The following MCC variants were observed in gnomAD, a reference collection of about 807,000 sequenced individuals.
MCC encodes the protein colorectal mutant cancer protein.
MCC carries 90 observed loss-of-function variants against 116.2 expected under a neutral mutation model. The ratio of observed to expected loss-of-function variants is 0.77; its 90% CI spans 0.65 to 0.92. MCC has a LOEUF of 0.92. Among genes scored for constraint, MCC ranks in the 40% least tolerant of loss-of-function variants. MCC has a pLI of 0.00. For synonymous variants in MCC, 578 were observed against 510.5 expected (o/e 1.13, Z -1.78); for missense variants, 1,516 against 1,312.2 (o/e 1.16, Z -2.40).
At chr5:113,258,050 G>A (rs1156705238) in intron 3 of MCC, among the ~76,000 whole-genome samples, 2 of 152,134 alleles carry the variant, frequency 1.3e-5, no homozygotes. Context: ...ATTGAGAGAA[G>A]TTGAATGAGG....
intron 10 of MCC, among the ~76,000 whole-genome samples, chr5:113,083,667 G>A (rs1755014977): frequency 1.3e-5 from 2 of 152,160 alleles, no homozygotes; most frequent in South Asian, 4.1e-4. Flanking sequence ...GAAGGTTCTG[G>A]TCTTTCCCAC....
intron 2 of MCC, among the ~76,000 whole-genome samples, chr5:113,351,390 A>G (rs191906596): frequency 6.6e-6 from 1 of 152,324 alleles, no homozygotes; most frequent in East Asian, 1.9e-4. Context: ...TATTTGCAAC[A>G]ACATGGATGG....
chr5:113,468,104 A>G (rs1336371458), intron 1 of MCC, among the ~76,000 whole-genome samples: 1 of 152,138 alleles, frequency 6.6e-6, no homozygotes, highest in African/African-American at 2.4e-5. Context: ...GGTTTTCTAG[A>G]TATACAATCA....
At chr5:113,204,257 A>C (rs1762815319) in intron 3 of MCC, among the ~76,000 whole-genome samples, 1 of 152,198 alleles carries the variant, frequency 6.6e-6, no homozygotes, top group Admixed American at 6.5e-5. Context: ...TCTAGCACTA[A>C]ATGTGAAGTA....
chr5:113,415,747 C>T (rs927599462), intron 1 of MCC, among the ~76,000 whole-genome samples: 1 of 152,070 alleles, frequency 6.6e-6, no homozygotes, highest in Non-Finnish European at 1.5e-5. Context: ...TTGTTATTAC[C>T]GACCTTCTGA....
intron 3 of MCC, among the ~76,000 whole-genome samples, chr5:113,294,050 G>A (rs996019471): frequency 6.6e-6 from 1 of 152,204 alleles, no homozygotes; most frequent in Admixed American, 6.5e-5. Flanking sequence ...AAGGGATGCA[G>A]ACTGTCGTGA....
At chr5:113,430,760 G>A (rs1266021583) in intron 1 of MCC, among the ~76,000 whole-genome samples, 1 of 152,190 alleles carries the variant, frequency 6.6e-6, no homozygotes, top group Non-Finnish European at 1.5e-5. Context: ...TGGTACAGAG[G>A]TCAGAGTGTG....
intron 10 of MCC, among the ~76,000 whole-genome samples, chr5:113,083,592 T>A (rs901805710): frequency 4.6e-5 from 7 of 152,172 alleles, no homozygotes; most frequent in African/African-American, 1.7e-4. Flanking sequence ...CTTTTCACCA[T>A]CCATCAGCTC....
intron 1 of MCC, among the ~76,000 whole-genome samples, chr5:113,398,881 T>C (rs370696120): frequency 1.3e-5 from 2 of 152,262 alleles, no homozygotes; most frequent in East Asian, 3.8e-4. Flanking sequence ...TTTTGAAGTC[T>C]ATTTTAACCC....
intron 5 of MCC, among the ~76,000 whole-genome samples, chr5:113,125,962 T>C (rs1173227881): frequency 6.6e-6 from 1 of 152,168 alleles, no homozygotes; most frequent in East Asian, 1.9e-4. Context: ...AAAGTGTCCA[T>C]TTAAAACCAG....
Position 113,024,689 on chromosome 5 carries a change from T to TAGCG in MCC, c.*2609_*2612dup, listed in dbSNP as rs1750406754. The TAGCG allele has an allele frequency of 6.6e-6, 1 of 152,146 alleles. No individual in the cohort carries two copies. Among genetic ancestry groups the TAGCG allele is most frequent in the Non-Finnish European group, 1.5e-5 (1 of 68,042 alleles). 9.4% of individuals were successfully genotyped at this position (152,146 alleles called of 1,614,324 possible). A position where few individuals can be genotyped will look rare whatever the true frequency, so the allele number is the denominator to read the frequency against. On this transcript the variant is annotated 3_prime_UTR_variant, in exon 19 of 19. Transcript: ENST00000408903. The stretch of plus-strand genomic sequence containing the variant: ...GATGTTTGTTAGAGAAAAATTCAGG[T>TAGCG]AGCGCCAGGTTATTCACAAAGGAAA...
rs1750416197 is a variant in MCC at position 113,024,810 on chromosome 5, C to T, written c.*2492G>A. On this transcript the variant is annotated 3_prime_UTR_variant, in exon 19 of 19. Transcript: ENST00000408903. Reference sequence around the variant, plus strand: ...AATCAAGTGCCACCTAGTTCACCTTCAAGGATTGTGTCTTGGGGAGTATTT... The same window carrying T: ...AATCAAGTGCCACCTAGTTCACCTTTAAGGATTGTGTCTTGGGGAGTATTT... 6.6e-6 allele frequency: 1 copy of T among 152,064 alleles called. No individual in the cohort carries two copies. The highest frequency in any genetic ancestry group is 2.4e-5 in the African/African-American group (1 of 41,380). 9.4% of individuals were successfully genotyped at this position (152,064 alleles called of 1,614,324 possible).
At chr5:113,031,835 C>T (rs1750974358) in intron 17 of MCC, among the ~76,000 whole-genome samples, 1 of 152,086 alleles carries the variant, frequency 6.6e-6, no homozygotes, top group Admixed American at 6.6e-5. Flanking sequence ...GATAGAACCC[C>T]AGAAGGGCAG....
chr5:113,317,683 T>A (rs753776649), intron 3 of MCC, among the ~76,000 whole-genome samples: 2 of 152,226 alleles, frequency 1.3e-5, no homozygotes, highest in Admixed American at 6.5e-5. Context: ...AAACCTTCGT[T>A]CCACAAATAG....
In MCC at chr5:113,052,790, C is replaced by T. The variant is rs1041504816; in HGVS notation, c.2448+935G>A. 3.9e-5 allele frequency among the ~76,000 whole-genome samples: 6 copies of T among 152,292 alleles called. No homozygotes were observed. In the South Asian group the frequency reaches 6.2e-4, roughly 16 times the overall value. ...CAATCTCTGGCTCTCTTCCCCTCCC[C>T]GGAGGTCAGGTGGCTGAAAGTCCCA... On this transcript the variant is annotated intron_variant, in intron 15 of 18. Coordinates refer to ENST00000408903, the MANE Select transcript of MCC (RefSeq NM_001085377.2).
At chr5:113,338,910 C>A (rs1363511763) in intron 3 of MCC, among the ~76,000 whole-genome samples, 1 of 152,158 alleles carries the variant, frequency 6.6e-6, no homozygotes, top group African/African-American at 2.4e-5. Flanking sequence ...TTTTATGAGA[C>A]ATTATCATAC....
At chr5:113,177,709 G>C (rs1285792790) in intron 3 of MCC, among the ~76,000 whole-genome samples, 1 of 151,982 alleles carries the variant, frequency 6.6e-6, no homozygotes, top group Non-Finnish European at 1.5e-5. Flanking sequence ...TAAAATCCAT[G>C]TTTGCATTTT....
intron 3 of MCC, among the ~76,000 whole-genome samples, chr5:113,178,778 C>G (rs1761464297): frequency 6.6e-6 from 1 of 152,108 alleles, no homozygotes; most frequent in South Asian, 2.1e-4. Context: ...TTAACATGTT[C>G]TATTTTCTTT....
chr5:113,285,089 T>A (rs1373020207), intron 3 of MCC, among the ~76,000 whole-genome samples: 1 of 152,078 alleles, frequency 6.6e-6, no homozygotes, highest in Non-Finnish European at 1.5e-5. Context: ...TCACATACAC[T>A]GAAGATGTCA....
Sources: allele counts gnomAD v4.1 joint callset (sites outside exome capture counted in the v4.1 genomes callset), GRCh38; gene constraint gnomAD v4.1.1; transcripts MANE v1.5; gene names NCBI Gene and HGNC (gene_info 2026-07-23, HGNC 2026-07-21).